ZFHX4: variants seen among roughly 807,000 people sequenced by gnomAD.
ZFHX4 encodes zinc finger homeobox 4, also known as zinc finger homeobox protein 4.
ZFHX4 carries 56 observed loss-of-function variants against 267.6 expected under a neutral mutation model. That is an observed-to-expected ratio of 0.21 (90% CI 0.17 to 0.26). The LOEUF is 0.26. ZFHX4 is among the 10% of genes least tolerant of loss of function. The pLI, the probability that ZFHX4 is intolerant of heterozygous loss-of-function variation, is 1.00. For synonymous variants in ZFHX4, 1,778 were observed against 1,665.6 expected (o/e 1.07, Z -1.64); for missense variants, 4,332 against 4,420.0 (o/e 0.98, Z 0.56).
rs201440764 is a variant in ZFHX4, at chr8:76,697,947, G to GA, written c.-46-6088dup. Among the ~76,000 whole-genome samples, 957 of 151,610 alleles carry GA rather than the reference G, an allele frequency of 6.3e-3. 14 individuals are homozygous for GA. Among genetic ancestry groups the GA allele is most frequent in the African/African-American group, 0.022 (902 of 41,402 alleles). On this transcript the variant is annotated intron_variant, in intron 1 of 10. Transcript: ENST00000651372. ...GTACCTTTTTCCTCAATAAAGACAG[G>GA]AAAAAAAAGTCAGTATATTCTCAGT...
chr8:76,686,214 G>T (rs555928164), intron 1 of ZFHX4, among the ~76,000 whole-genome samples: 1 of 152,172 alleles, frequency 6.6e-6, no homozygotes, highest in African/African-American at 2.4e-5. Flanking sequence ...CACCAGACTC[G>T]CTTAATTTAG....
intron 3 of ZFHX4, among the ~76,000 whole-genome samples, chr8:76,732,696 T>C (rs1232666113): frequency 1.3e-5 from 2 of 152,174 alleles, no homozygotes; most frequent in African/African-American, 2.4e-5. Context: ...TGACTTCCTA[T>C]CATAAAATAC....
intron 6 of ZFHX4, among the ~76,000 whole-genome samples, chr8:76,847,272 A>G (rs1812387401): frequency 6.6e-6 from 1 of 152,174 alleles, no homozygotes; most frequent in East Asian, 1.9e-4. Context: ...AATTATGACA[A>G]GGTAATAGGA....
chr8:76,732,695 A>G (rs1335409279), intron 3 of ZFHX4, among the ~76,000 whole-genome samples: 2 of 152,220 alleles, frequency 1.3e-5, no homozygotes, highest in Admixed American at 1.3e-4. Context: ...ATGACTTCCT[A>G]TCATAAAATA....
chr8:76,856,787 G>A (rs1481140767), intron 10 of ZFHX4, among the ~76,000 whole-genome samples: 1 of 152,126 alleles, frequency 6.6e-6, no homozygotes, highest in African/African-American at 2.4e-5. Context: ...CAAAAGTTGA[G>A]TCCTTCAGCC....
intron 3 of ZFHX4, among the ~76,000 whole-genome samples, chr8:76,750,989 G>C (rs2131706106): frequency 6.6e-6 from 1 of 152,196 alleles, no homozygotes; most frequent in South Asian, 2.1e-4. Flanking sequence ...TAATAAGAAA[G>C]ATGAAGACAA....
chr8:76,816,376 T>C (rs1335580725), intron 4 of ZFHX4, among the ~76,000 whole-genome samples: 1 of 152,116 alleles, frequency 6.6e-6, no homozygotes, highest in Non-Finnish European at 1.5e-5. Context: ...AAGTTGCTTG[T>C]TCTGGGTTCT....
At chr8:76,683,407 C>CA (rs1554548091) in intron 1 of ZFHX4, 3 of 145,972 alleles carry the variant, frequency 2.1e-5, no homozygotes, top group Non-Finnish European at 3.0e-5. Context: ...ACATCCCCCC[C>CA]CACACACACA....
chr8:76,763,073 T>G (rs1809958353), intron 3 of ZFHX4, among the ~76,000 whole-genome samples: 1 of 152,212 alleles, frequency 6.6e-6, no homozygotes, highest in African/African-American at 2.4e-5. Context: ...TTTTATCCCC[T>G]CACGGCATCC....
At chr8:76,765,402 TAC>T (rs1276563773) in intron 3 of ZFHX4, among the ~76,000 whole-genome samples, 1 of 152,168 alleles carries the variant, frequency 6.6e-6, no homozygotes, top group Non-Finnish European at 1.5e-5. Context: ...ATGAATTAAT[TAC>T]AGAGGCTATA....
intron 3 of ZFHX4, among the ~76,000 whole-genome samples, chr8:76,738,083 G>A (rs1809212186): frequency 6.6e-6 from 1 of 152,148 alleles, no homozygotes; most frequent in Admixed American, 6.5e-5. Context: ...AAATTAATGA[G>A]CTAAGGCATC....
chr8:76,743,379 G>C (rs1425569172), intron 3 of ZFHX4, among the ~76,000 whole-genome samples: 1 of 152,192 alleles, frequency 6.6e-6, no homozygotes, highest in East Asian at 1.9e-4. Flanking sequence ...TCTGAGCTCT[G>C]CTCTGTTACA....
intron 4 of ZFHX4, among the ~76,000 whole-genome samples, chr8:76,823,130 CTTTT>C (rs201717109): frequency 7.3e-5 from 10 of 136,250 alleles, no homozygotes; most frequent in African/African-American, 1.3e-4. Context: ...ATAGTGTCTC[CTTTT>C]TTTTTTTTTT....
intron 5 of ZFHX4, chr8:76,834,285 A>G: frequency 4.2e-6 from 1 of 238,770 alleles, no homozygotes; most frequent in Non-Finnish European, 8.7e-6. Flanking sequence ...TGATAAGAGC[A>G]TGTTTAGTTT....
In ZFHX4 at chr8:76,856,452, C is replaced by G; in HGVS notation, c.9379+152C>G. On this transcript the variant is annotated intron_variant, in intron 10 of 10. Transcript: ENST00000651372. ...AAAGTATATATTATATTGGCTATAG[C>G]TAATTACCAGGAAGTAGGTCAACCT... The G allele has an allele frequency of 9.5e-6, 9 of 942,800 alleles. No individual in the cohort carries two copies. The South Asian group carries it at 1.3e-4, about 14-fold the overall frequency. The allele number at this position is 942,800 out of a possible 1,614,324, so 58.4% of individuals were successfully genotyped here.
At chr8:76,777,366 AT>A (rs200211434) in intron 3 of ZFHX4, among the ~76,000 whole-genome samples, 21 of 151,502 alleles carry the variant, frequency 1.4e-4, no homozygotes, top group Non-Finnish European at 2.4e-4. Flanking sequence ...TGCGAAACAG[AT>A]TTTTTTTTAG....
In ZFHX4 at chr8:76,704,858, C is replaced by T; in HGVS notation, c.770C>T (p.Pro257Leu). 1 of 1,614,206 alleles carries T rather than the reference C, an allele frequency of 6.2e-7. No individual in the cohort carries two copies. Among genetic ancestry groups the T allele is most frequent in the African/African-American group, 1.3e-5 (1 of 75,056 alleles). Residue 257 changes from proline (P) to leucine (L), a missense_variant, in exon 2 of 11, where the codon CCT becomes CTT. Coordinates refer to ENST00000651372, the MANE Select transcript of ZFHX4 (RefSeq NM_024721.5). The part of the protein sequence containing the change: ...AKNSCVSKDV[P>L]NNVDLSKFDG... ...AACTCCTGTGTGTCCAAAGATGTCC[C>T]TAACAATGTGGACTTGTCCAAATTC...
chr8:76,760,396 A>C (rs1161383712), intron 3 of ZFHX4, among the ~76,000 whole-genome samples: 2 of 152,172 alleles, frequency 1.3e-5, no homozygotes, highest in Non-Finnish European at 2.9e-5. Context: ...CAAGTTTGGC[A>C]CTGAAGATAC....
At chr8:76,758,946 T>C (rs1210514446) in intron 3 of ZFHX4, among the ~76,000 whole-genome samples, 1 of 152,236 alleles carries the variant, frequency 6.6e-6, no homozygotes, top group Non-Finnish European at 1.5e-5. Context: ...TCTGGGAATG[T>C]ATTTTGAAAA....
Sources: gnomAD v4.1 joint callset for allele counts (sites outside exome capture counted in the v4.1 genomes callset) on GRCh38, gnomAD v4.1.1 for gene constraint, MANE v1.5 for transcripts, NCBI Gene and HGNC (gene_info 2026-07-23, HGNC 2026-07-21) for gene names.